AKT3: variants seen among roughly 807,000 people sequenced by gnomAD.
The protein encoded by AKT3 is RAC-gamma serine/threonine-protein kinase.
In AKT3, 15 loss-of-function variants were observed where a neutral mutation model predicts 65.3. The observed-to-expected ratio is 0.23, with a 90% CI of 0.15 to 0.35. AKT3 has a LOEUF of 0.35. Among genes scored for constraint, AKT3 ranks in the 10% least tolerant of loss-of-function variants. The probability of loss-of-function intolerance (pLI) is 1.00; values close to 1 mark genes in which losing one functional copy is unlikely to be tolerated. For synonymous variants in AKT3, 206 were observed against 183.8 expected (o/e 1.12, Z -0.98); for missense variants, 243 against 576.5 (o/e 0.42, Z 5.92).
chr1:243,614,552 A>G (rs1027395903), intron 7 of AKT3, among the ~76,000 whole-genome samples: 9 of 152,296 alleles, frequency 5.9e-5, no homozygotes, highest in African/African-American at 1.9e-4. Context: ...TACTTTGTCT[A>G]GTGAAAAAAA....
chr1:243,552,643 G>T, intron 11 of AKT3, 86 bp downstream of exon 11: 3 of 1,215,538 alleles, frequency 2.5e-6, no homozygotes, highest in African/African-American at 1.5e-5. Context: ...ATTGCTTCTT[G>T]GAGTTAGTTA....
intron 2 of AKT3, among the ~76,000 whole-genome samples, chr1:243,812,227 G>T (rs1693207947): frequency 6.6e-6 from 1 of 152,158 alleles, no homozygotes; most frequent in African/African-American, 2.4e-5. Context: ...CCATCAGAGT[G>T]AACAGCCAAC....
At chr1:243,568,293 G>A (rs542591277) in intron 9 of AKT3, among the ~76,000 whole-genome samples, 1 of 152,232 alleles carries the variant, frequency 6.6e-6, no homozygotes, top group East Asian at 1.9e-4. Context: ...GCATGCTTAT[G>A]CTTAATGGAT....
intron 5 of AKT3, among the ~76,000 whole-genome samples, chr1:243,644,186 C>T (rs1680639349): frequency 6.6e-6 from 1 of 152,028 alleles, no homozygotes. Context: ...AATTTTTATG[C>T]TTATAATGAA....
intron 4 of AKT3, among the ~76,000 whole-genome samples, chr1:243,653,658 G>A (rs938366099): frequency 6.6e-6 from 1 of 152,054 alleles, no homozygotes; most frequent in African/African-American, 2.4e-5. Flanking sequence ...CTAGTTTTTT[G>A]TGTAGCTCCT....
intron 8 of AKT3, among the ~76,000 whole-genome samples, chr1:243,596,094 T>C (rs1558641649): frequency 1.3e-5 from 2 of 152,206 alleles, no homozygotes. Flanking sequence ...AATCTTATGG[T>C]ATTGTCATAT....
At chr1:243,793,428 A>C (rs1209089811) in intron 2 of AKT3, 1 of 152,084 alleles carries the variant, frequency 6.6e-6, no homozygotes, top group African/African-American at 2.4e-5. Context: ...CACATGCTGC[A>C]GGCTCTAGAA....
chr1:243,508,722 ATGTTG>A (rs1331907919), intron 13 of AKT3, among the ~76,000 whole-genome samples: 1 of 147,024 alleles, frequency 6.8e-6, no homozygotes, highest in East Asian at 2.0e-4. Flanking sequence ...CTGGAGGGCA[ATGTTG>A]TGATCTCAGC....
At chr1:243,678,797 T>C (rs1283662711) in intron 3 of AKT3, among the ~76,000 whole-genome samples, 1 of 152,228 alleles carries the variant, frequency 6.6e-6, no homozygotes, top group Non-Finnish European at 1.5e-5. Context: ...ATGTTGGTTG[T>C]TTATGAAAGG....
chr1:243,650,905 T>C (rs1681262618), intron 4 of AKT3, among the ~76,000 whole-genome samples: 1 of 152,194 alleles, frequency 6.6e-6, no homozygotes, highest in African/African-American at 2.4e-5. Flanking sequence ...TGGTTCCATA[T>C]GAAGTTTAAA....
chr1:243,771,874 AAAT>A (rs1397103209), intron 2 of AKT3, among the ~76,000 whole-genome samples: 1 of 152,184 alleles, frequency 6.6e-6, no homozygotes, highest in Non-Finnish European at 1.5e-5. Flanking sequence ...GAGCCCTCAG[AAAT>A]AATACCACAC....
At chr1:243,648,847 T>C (rs955296315) in intron 4 of AKT3, among the ~76,000 whole-genome samples, 16 of 152,142 alleles carry the variant, frequency 1.1e-4, no homozygotes, top group Non-Finnish European at 2.2e-4. Context: ...TCAATTCTAT[T>C]AATTTTTTTC....
At chr1:243,610,043 G>A (rs1421043472) in intron 8 of AKT3, among the ~76,000 whole-genome samples, 2 of 152,098 alleles carry the variant, frequency 1.3e-5, no homozygotes, top group African/African-American at 4.8e-5. Flanking sequence ...CAAGATCTAT[G>A]TTTAATTCAG....
chr1:243,804,755 G>A (rs758903440), intron 2 of AKT3, among the ~76,000 whole-genome samples: 2 of 151,874 alleles, frequency 1.3e-5, no homozygotes, highest in African/African-American at 4.8e-5. Context: ...GCTGAGGCAG[G>A]AGAACGGCGT....
intron 3 of AKT3, among the ~76,000 whole-genome samples, chr1:243,686,652 T>TATATATCTATATATATATATA (rs373666457): frequency 7.9e-5 from 1 of 12,688 alleles, no homozygotes. Context: ...TATATATATA[T>TATATATCTATATATATATATA]TTTTTTTTTT....
rs905129725 is a variant in AKT3 at position 243,539,106 on chromosome 1, C to T, written c.1251+6404G>A. Among the ~76,000 whole-genome samples the T allele has an allele frequency of 1.1e-4, 17 of 152,068 alleles. 1 individual carries two copies. Among genetic ancestry groups the T allele is most frequent in the Admixed American group, 9.2e-4 (14 of 15,248 alleles). On this transcript the variant is annotated intron_variant, in intron 12 of 13. Transcript: ENST00000673466. ...GGTAGAACAATTTATGCAATAAAAG[C>T]AGAATACAGTTGACCCTTGAACAAC... is the stretch of plus-strand genomic sequence containing the variant.
chr1:243,494,269 T>G (rs906965408), intron 13 of AKT3, among the ~76,000 whole-genome samples: 5 of 152,186 alleles, frequency 3.3e-5, no homozygotes, highest in Non-Finnish European at 5.9e-5. Flanking sequence ...GTCTCAAAAA[T>G]AAACACTGAT....
Position 243,637,754 on chromosome 1 carries a change from A to G in AKT3, c.430-12T>C. ...AAATCATTCATTGTCTGAAAAATACAAATTAAAAAATATAATATGAAGTAT... is the reference window on the plus strand; with the variant it reads ...AAATCATTCATTGTCTGAAAAATACGAATTAAAAAATATAATATGAAGTAT... On this transcript the variant is annotated splice_polypyrimidine_tract_variant and intron_variant, in intron 5 of 13. Transcript: ENST00000673466. 6.8e-7 allele frequency: 1 copy of G among 1,480,490 alleles called. No homozygotes were observed. Among genetic ancestry groups the G allele is most frequent in the Non-Finnish European group, 9.3e-7 (1 of 1,075,134 alleles). 91.7% of individuals were successfully genotyped at this position (1,480,490 alleles called of 1,614,324 possible). A position where few individuals can be genotyped will look rare whatever the true frequency, so the allele number is the denominator to read the frequency against.
At chr1:243,609,798 T>A (rs1438934304) in intron 8 of AKT3, among the ~76,000 whole-genome samples, 2 of 152,182 alleles carry the variant, frequency 1.3e-5, no homozygotes, top group African/African-American at 2.4e-5. Context: ...ATCTGGCTAA[T>A]CTGAAAATCT....
Sources: gnomAD v4.1 joint callset for allele counts (sites outside exome capture counted in the v4.1 genomes callset) on GRCh38, gnomAD v4.1.1 for gene constraint, MANE v1.5 for transcripts, NCBI Gene and HGNC (gene_info 2026-07-23, HGNC 2026-07-21) for gene names.